The following SCFD2 variants were observed in gnomAD, a reference collection of about 807,000 sequenced individuals.
The protein encoded by SCFD2 is sec1 family domain containing 2.
Under a neutral mutation model 58.9 loss-of-function variants are expected in SCFD2, and 54 were observed. The observed-to-expected ratio is 0.92, with a 90% CI of 0.74 to 1.15. The LOEUF is 1.15. Among genes scored for constraint, SCFD2 ranks in the 50% most tolerant of loss-of-function variants. The probability of loss-of-function intolerance (pLI) is 0.00; values close to 1 mark genes in which losing one functional copy is unlikely to be tolerated. For synonymous variants in SCFD2, 321 were observed against 335.9 expected, an observed-to-expected ratio of 0.96 and a Z score of 0.49; for missense variants, 805 against 836.6, an observed-to-expected ratio of 0.96 and a Z score of 0.47.
intron 4 of SCFD2, among the ~76,000 whole-genome samples, chr4:53,187,372 A>C (rs957505147): frequency 6.6e-6 from 1 of 152,098 alleles, no homozygotes; most frequent in African/African-American, 2.4e-5. Context: ...AAGCCTTAAA[A>C]TGTGCATACC....
chr4:52,998,325 A>G (rs1033114497), intron 5 of SCFD2, among the ~76,000 whole-genome samples: 1 of 152,228 alleles, frequency 6.6e-6, no homozygotes, highest in African/African-American at 2.4e-5. Context: ...GGAGATAGAA[A>G]ATACTGTAAG....
At chr4:52,927,071 T>A (rs1719880590) in intron 5 of SCFD2, among the ~76,000 whole-genome samples, 1 of 152,090 alleles carries the variant, frequency 6.6e-6, no homozygotes, top group South Asian at 2.1e-4. Context: ...GGGAAGTGCA[T>A]AAGGCAAATA....
At chr4:52,904,728 C>G (rs1367837063) in intron 7 of SCFD2, among the ~76,000 whole-genome samples, 3 of 152,204 alleles carry the variant, frequency 2.0e-5, no homozygotes, top group Non-Finnish European at 1.5e-5. Flanking sequence ...TATATGAATA[C>G]TTAACTTCCA....
intron 5 of SCFD2, among the ~76,000 whole-genome samples, chr4:53,024,401 A>G (rs971691453): frequency 6.6e-6 from 1 of 152,222 alleles, no homozygotes; most frequent in Non-Finnish European, 1.5e-5. Flanking sequence ...TGGCATAATC[A>G]ACTTGGAGGA....
At chr4:53,215,780 G>GT (rs1728804869) in intron 4 of SCFD2, among the ~76,000 whole-genome samples, 1 of 152,012 alleles carries the variant, frequency 6.6e-6, no homozygotes, top group South Asian at 2.1e-4. Context: ...TTGGCTGTGG[G>GT]TTTGTCATAA....
chr4:53,022,227 A>T (rs1722366647), intron 5 of SCFD2, among the ~76,000 whole-genome samples: 1 of 152,174 alleles, frequency 6.6e-6, no homozygotes, highest in Non-Finnish European at 1.5e-5. Context: ...ACATGGAAAA[A>T]TGTTATTTTC....
intron 4 of SCFD2, among the ~76,000 whole-genome samples, chr4:53,220,958 G>A (rs1056409114): frequency 2.6e-5 from 4 of 152,186 alleles, no homozygotes; most frequent in Non-Finnish European, 4.4e-5. Flanking sequence ...AATCTCACCT[G>A]CATCGTGATG....
chr4:53,088,067 A>C (rs1255713393), intron 5 of SCFD2, among the ~76,000 whole-genome samples: 1 of 152,210 alleles, frequency 6.6e-6, no homozygotes, highest in African/African-American at 2.4e-5. Context: ...TTGTTAGGTA[A>C]AAAAGGAAGC....
intron 5 of SCFD2, among the ~76,000 whole-genome samples, chr4:53,108,746 G>C (rs920847282): frequency 1.1e-4 from 16 of 152,026 alleles, no homozygotes; most frequent in Admixed American, 3.3e-4. Flanking sequence ...ACCAAAAAAA[G>C]CCCAGGACCA....
At chr4:53,154,665 A>C (rs1726611907) in intron 4 of SCFD2, among the ~76,000 whole-genome samples, 1 of 152,244 alleles carries the variant, frequency 6.6e-6, no homozygotes, top group South Asian at 2.1e-4. Flanking sequence ...AGGAGCCCAC[A>C]TCCTAGTCCC....
chr4:53,044,819 A>G (rs1472765863), intron 5 of SCFD2, among the ~76,000 whole-genome samples: 1 of 145,784 alleles, frequency 6.9e-6, no homozygotes, highest in Non-Finnish European at 1.5e-5. Flanking sequence ...AGGAGGCAAG[A>G]GTATTTCTGT....
intron 7 of SCFD2, among the ~76,000 whole-genome samples, chr4:52,903,685 A>T (rs986438035): frequency 9.2e-5 from 14 of 152,216 alleles, no homozygotes; most frequent in African/African-American, 3.4e-4. Context: ...ATAAGAAAAC[A>T]TTTAAATCAT....
intron 4 of SCFD2, among the ~76,000 whole-genome samples, chr4:53,238,846 G>A (rs77325442): frequency 0.18 from 26,754 of 146,746 alleles, 742 homozygotes; most frequent in Non-Finnish European, 0.24. Flanking sequence ...GTGGGATGGC[G>A]GCCGGGCGGA....
chr4:53,297,628 T>C (rs1255380284), intron 3 of SCFD2, among the ~76,000 whole-genome samples: 1 of 152,232 alleles, frequency 6.6e-6, no homozygotes, highest in Non-Finnish European at 1.5e-5. Context: ...TCTGTGTCTT[T>C]TAATTGGGGC....
At chr4:53,129,790 G>A (rs569252435) in intron 5 of SCFD2, among the ~76,000 whole-genome samples, 8 of 152,286 alleles carry the variant, frequency 5.3e-5, no homozygotes, top group Non-Finnish European at 7.4e-5. Context: ...ATATTTTTAT[G>A]TTGACAGTAT....
chr4:53,182,845 T>G (rs549182612), intron 4 of SCFD2, among the ~76,000 whole-genome samples: 20 of 148,678 alleles, frequency 1.3e-4, no homozygotes, highest in African/African-American at 4.4e-4. Flanking sequence ...GGGCCAAGGA[T>G]ATGAACAGAC....
chr4:53,244,719 G>A (rs1320815338), intron 4 of SCFD2, among the ~76,000 whole-genome samples: 3 of 151,698 alleles, frequency 2.0e-5, no homozygotes, highest in African/African-American at 7.3e-5. Flanking sequence ...TCCAAAGCTA[G>A]CAGAAGACAA....
rs1407109966 is a variant in SCFD2, at chr4:53,326,129, TTTTA to T, written c.1008-12370_1008-12367del. 8.1e-4 allele frequency among the ~76,000 whole-genome samples: 123 copies of T among 151,722 alleles called. 2 individuals are homozygous for T. The highest frequency in any genetic ancestry group is 1.5e-4 in the Non-Finnish European group (10 of 67,988). ...TTCAACACCAATTCATTATTTAAAA[TTTTA>T]TTTATTTTATTTTATTTTATTTTAT... On this transcript the variant is annotated intron_variant, in intron 2 of 8. Coordinates refer to ENST00000401642, the MANE Select transcript of SCFD2 (RefSeq NM_152540.4).
At chr4:53,180,989 C>CTA (rs1727532670) in intron 4 of SCFD2, among the ~76,000 whole-genome samples, 1 of 152,080 alleles carries the variant, frequency 6.6e-6, no homozygotes, top group Non-Finnish European at 1.5e-5. Flanking sequence ...CAATAACAGG[C>CTA]TCTGAAATTG....
Sources: allele counts gnomAD v4.1 joint callset (sites outside exome capture counted in the v4.1 genomes callset), GRCh38; gene constraint gnomAD v4.1.1; transcripts MANE v1.5; gene names NCBI Gene and HGNC (gene_info 2026-07-23, HGNC 2026-07-21).